Variants in RAPSN observed in about 807,000 individuals in gnomAD.
RAPSN encodes 43 kDa receptor-associated protein of the synapse.
A neutral mutation model predicts 45.7 loss-of-function variants in RAPSN; 33 were observed. The observed-to-expected ratio is 0.72, with a 90% CI of 0.55 to 0.97. The LOEUF is 0.97. RAPSN is among the 50% of genes least tolerant of loss of function. The pLI is 0.00. For missense variants in RAPSN, 519 were observed against 559.4 expected, an observed-to-expected ratio of 0.93 and a Z score of 0.73; for synonymous variants, 244 against 233.6, an observed-to-expected ratio of 1.04 and a Z score of -0.40.
chr11:47,447,965 G>A lies in RAPSN; in HGVS notation c.378C>T (p.Ser126=). 6.2e-7 allele frequency: 1 copy of A among 1,613,814 alleles called. No individual in the cohort carries two copies. Among genetic ancestry groups the A allele is most frequent in the Non-Finnish European group, 8.5e-7 (1 of 1,179,974 alleles). The change falls in exon 2 of 8, where the codon AGC becomes AGT. Residue 126 remains serine, a synonymous_variant. Transcript: ENST00000298854. ...RAGAQLGGQV[S]LSMGNAFLGL... ...CCAGGAAGGCATTGCCCATGCTCAG[G>A]CTGACCTGGCCTCCGAGCTGGGCAC...
At chr11:47,440,259 C>T (rs573013781) in intron 6 of RAPSN, among the ~76,000 whole-genome samples, 2 of 152,200 alleles carry the variant, frequency 1.3e-5, no homozygotes, top group South Asian at 4.2e-4. Flanking sequence ...GCTCAGTGCT[C>T]AGGGAGTGGA....
In RAPSN at chr11:47,441,620, C is replaced by T. The variant is rs56040810; in HGVS notation, c.903G>A (p.Ala301=). ...AAAGGCCCGACCTCACCTTGTCCAG[C>T]GCCTTCCTGGCCACCCAGCACTTGG... ...GVAKCWVARK[A]LDKALDAIER... The change falls in exon 5 of 8, where the codon GCG becomes GCA. Residue 301 remains alanine (A), a synonymous_variant. Transcript: ENST00000298854. 411 of 1,606,856 alleles carry T rather than the reference C, an allele frequency of 2.6e-4. 2 individuals are homozygous for T. The highest frequency in any genetic ancestry group is 1.8e-3 in the East Asian group (80 of 44,860).
At position 47,442,610 on chromosome 11, in the gene RAPSN, C is replaced by T. The variant is rs191758880; in HGVS notation, c.690+46G>A. Reference sequence around the variant, plus strand: ...TGCTGTCCCAGGCCCCAGCCCCTGGCCCACACCACCTCATCCCCGACCTGC... The same window carrying T: ...TGCTGTCCCAGGCCCCAGCCCCTGGTCCACACCACCTCATCCCCGACCTGC... On this transcript the variant is annotated intron_variant, in intron 3 of 7. Coordinates refer to ENST00000298854, the MANE Select transcript of RAPSN (RefSeq NM_005055.5). 596 of 1,600,606 alleles carry T rather than the reference C, an allele frequency of 3.7e-4. 1 individual carries two copies. The African/African-American group carries it at 6.7e-3, about 18-fold the overall frequency.
chr11:47,438,018 C>G lies in RAPSN; in HGVS notation c.1196G>C (p.Cys399Ser). Residue 399 changes from cysteine (C) to serine (S), a missense_variant, in exon 8 of 8, where the codon TGT becomes TCT. Cys to Ser is a moderately radical substitution (Grantham distance 112). Transcript: ENST00000298854. ...CATGGATGAGCGGCGGCAGTTGGGA[C>G]AGCTCCGGGTCCCGTTGTTCTGCAG... Reference protein sequence around the residue: ...RCLQNNGTRSCPNCRRSSMKP... With the variant: ...RCLQNNGTRSSPNCRRSSMKP... 6.5e-7 allele frequency: 1 copy of G among 1,550,142 alleles called. No homozygotes were observed.
At chr11:47,446,325 C>A (rs1025435056) in intron 2 of RAPSN, among the ~76,000 whole-genome samples, 1 of 152,022 alleles carries the variant, frequency 6.6e-6, no homozygotes, top group Non-Finnish European at 1.5e-5. Context: ...CAAGTGTGAG[C>A]CACCAGGCCT....
intron 2 of RAPSN, among the ~76,000 whole-genome samples, chr11:47,444,510 T>G (rs1378087944): frequency 5.5e-5 from 8 of 146,450 alleles, no homozygotes; most frequent in South Asian, 2.2e-4. Context: ...CTGCACTCCA[T>G]CCTGGGTGAC....
intron 1 of RAPSN, 77 bp from the exon 2 acceptor site, chr11:47,448,227 A>G: frequency 1.4e-6 from 2 of 1,450,956 alleles, no homozygotes; most frequent in Non-Finnish European, 1.9e-6. Flanking sequence ...CTGCAGGCTC[A>G]GACCTGGAGG....
rs773973734 is a variant in RAPSN, at chr11:47,441,562, G to A, written c.912+49C>T. ...GAGCCGGCTAACCTACTGGCCCCAA[G>A]TGGGGAGTGCTGGGAGGGCTGGAGG... is the stretch of plus-strand genomic sequence containing the variant. On this transcript the variant is annotated intron_variant, in intron 5 of 7. Transcript: ENST00000298854. 6 of 1,599,420 alleles carry A rather than the reference G, an allele frequency of 3.8e-6. 1 individual carries two copies. The highest frequency in any genetic ancestry group is 1.7e-4 in the Middle Eastern group (1 of 6,060).
Position 47,442,834 on chromosome 11 carries a change from G to A in RAPSN, c.532-20C>T. ...GTAGTCCTGCAGGGGACATGGAATGGAAGGAGGCAAACTGAGTGGCAGAGG... is the reference window on the plus strand; with the variant it reads ...GTAGTCCTGCAGGGGACATGGAATGAAAGGAGGCAAACTGAGTGGCAGAGG... On this transcript the variant is annotated intron_variant, in intron 2 of 7. Transcript: ENST00000298854. 1.2e-6 allele frequency: 2 copies of A among 1,613,140 alleles called. No homozygotes were observed. Among genetic ancestry groups the A allele is most frequent in the Non-Finnish European group, 1.7e-6 (2 of 1,180,044 alleles).
In RAPSN at chr11:47,438,454, T is replaced by C. The variant is rs12282783; in HGVS notation, c.1166+278A>G. 0.68 allele frequency: 386,772 copies of C among 569,214 alleles called. 134,620 individuals carry two copies. The highest frequency in any genetic ancestry group is 0.77 in the South Asian group (32,260 of 42,054). The allele number at this position is 569,214 out of a possible 1,614,324, so 35.3% of individuals were successfully genotyped here. Reference sequence around the variant, plus strand: ...TCTCCTGCCTCAGCCTCCCGAGTAGTTGGGATTACAGGCTCCCACCACCAT... The same window carrying C: ...TCTCCTGCCTCAGCCTCCCGAGTAGCTGGGATTACAGGCTCCCACCACCAT... On this transcript the variant is annotated intron_variant, in intron 7 of 7. Transcript: ENST00000298854.
In RAPSN at chr11:47,448,753, C is replaced by A; in HGVS notation, c.192+20G>T. The A allele has an allele frequency of 6.2e-7, 1 of 1,605,698 alleles. No homozygotes were observed. Among genetic ancestry groups the A allele is most frequent in the South Asian group, 1.1e-5 (1 of 91,058 alleles). On this transcript the variant is annotated intron_variant, in intron 1 of 7. Transcript: ENST00000298854. ...GGCCCCAGCCTGACCCTCGAACGCC[C>A]CCAGGCCGGGTACACCCACCTTCAG...
In RAPSN at chr11:47,438,783, T is replaced by A; in HGVS notation, c.1115A>T (p.Glu372Val). 1.3e-6 allele frequency: 2 copies of A among 1,568,342 alleles called. No homozygotes were observed. The highest frequency in any genetic ancestry group is 2.3e-5 in the South Asian group (2 of 85,748). The change falls in exon 7 of 8, where the codon GAG (glutamate) becomes GTG (valine). Residue 372 changes from glutamate to valine, a missense_variant. Physicochemically the swap from Glu to Val is moderately radical, Grantham distance 121. Coordinates refer to ENST00000298854, the MANE Select transcript of RAPSN (RefSeq NM_005055.5). ...YCGLCGESIG[E>V]KNSRLQALPC... ...TAGGGCCTGCAGCCGGCTGTTCTTC[T>A]CGCCTATGGACTCGCCGCACAGGCC...
At position 47,447,968 on chromosome 11, in the gene RAPSN, G is replaced by A. The variant is rs1219154180; in HGVS notation, c.375C>T (p.Val125=). The change falls in exon 2 of 8, where the codon GTC becomes GTT. Residue 125 remains valine, a synonymous_variant. Transcript: ENST00000298854. The part of the protein sequence containing the change: ...TRAGAQLGGQ[V]SLSMGNAFLG... Reference sequence around the variant, plus strand: ...GGAAGGCATTGCCCATGCTCAGGCTGACCTGGCCTCCGAGCTGGGCACCTG... The same window carrying A: ...GGAAGGCATTGCCCATGCTCAGGCTAACCTGGCCTCCGAGCTGGGCACCTG... 1.9e-6 allele frequency: 3 copies of A among 1,613,822 alleles called. No individual in the cohort carries two copies. Among genetic ancestry groups the A allele is most frequent in the East Asian group, 4.5e-5 (2 of 44,876 alleles).
intron 2 of RAPSN, among the ~76,000 whole-genome samples, chr11:47,443,630 T>C (rs1341345435): frequency 3.3e-5 from 5 of 152,046 alleles, no homozygotes; most frequent in African/African-American, 1.2e-4. Flanking sequence ...ATTTCTCATC[T>C]CATTTAAAAA....
chr11:47,442,651 C>T lies in RAPSN; in HGVS notation c.690+5G>A, dbSNP rs748823813. Reference sequence around the variant, plus strand: ...CCCGACCTGCCCCCTTCCCCGCTGCCCCACCTCACAACACTCCATGGCACT... The same window carrying T: ...CCCGACCTGCCCCCTTCCCCGCTGCTCCACCTCACAACACTCCATGGCACT... On this transcript the variant is annotated splice_donor_5th_base_variant and intron_variant, in intron 3 of 7. Transcript: ENST00000298854. 2.5e-6 allele frequency: 4 copies of T among 1,613,940 alleles called. No individual in the cohort carries two copies. Among genetic ancestry groups the T allele is most frequent in the African/African-American group, 2.7e-5 (2 of 74,944 alleles).
At chr11:47,445,784 G>A (rs2076401396) in intron 2 of RAPSN, among the ~76,000 whole-genome samples, 1 of 152,094 alleles carries the variant, frequency 6.6e-6, no homozygotes, top group Admixed American at 6.6e-5. Context: ...AGACAATCAA[G>A]TTTAAAATAA....
chr11:47,440,922 A>G (rs761650544), intron 6 of RAPSN, among the ~76,000 whole-genome samples: 8 of 152,268 alleles, frequency 5.3e-5, no homozygotes, highest in Non-Finnish European at 8.8e-5. Flanking sequence ...GGTTTTAATC[A>G]ACATCAGGAA....
At position 47,438,745 on chromosome 11, in the gene RAPSN, T is replaced by A; in HGVS notation, c.1153A>T (p.Ile385Phe). The change falls in exon 7 of 8, where the codon ATC (isoleucine) becomes TTC (phenylalanine). Residue 385 changes from isoleucine to phenylalanine, a missense_variant. Transcript: ENST00000298854. ...SRLQALPCSHIFHLRCLQNNG... is the reference protein window; with the variant it reads ...SRLQALPCSHFFHLRCLQNNG... ...AGGAGCCCCCACCTGAGGTGGAAGA[T>A]GTGGGAGCAAGGTAGGGCCTGCAGC... The A allele has an allele frequency of 6.4e-7, 1 of 1,563,364 alleles. No homozygotes were observed. The highest frequency in any genetic ancestry group is 8.7e-7 in the Non-Finnish European group (1 of 1,151,090).
At chr11:47,438,617 C>A in intron 7 of RAPSN, 115 bp downstream of exon 7, 3 of 1,329,880 alleles carry the variant, frequency 2.3e-6, no homozygotes, top group Admixed American at 2.1e-5. Context: ...GGCACCACGC[C>A]TGGCCAAGGT....
Sources: allele counts gnomAD v4.1 joint callset (sites outside exome capture counted in the v4.1 genomes callset), GRCh38; gene constraint gnomAD v4.1.1; transcripts MANE v1.5; gene names NCBI Gene and HGNC (gene_info 2026-07-23, HGNC 2026-07-21).